OIP5: variants seen among roughly 807,000 people sequenced by gnomAD.
The protein encoded by OIP5 is protein Mis18-beta.
In OIP5, 24 loss-of-function variants were observed where a neutral mutation model predicts 20.3. That is an observed-to-expected ratio of 1.18 (90% CI 0.86 to 1.66). The LOEUF is 1.66. OIP5 is among the 40% of genes most tolerant of loss of function. OIP5 has a pLI of 0.00. For missense variants in OIP5, 339 were observed against 289.5 expected (o/e 1.17, Z -1.24); for synonymous variants, 143 against 121.3 (o/e 1.18, Z -1.17).
At chr15:41,319,470 G>A (rs2047809316) in intron 3 of OIP5, among the ~76,000 whole-genome samples, 188 bp downstream of exon 3, 1 of 151,896 alleles carries the variant, frequency 6.6e-6, no homozygotes, top group Non-Finnish European at 1.5e-5. Flanking sequence ...AGCCAGGCTG[G>A]TCTCAAACTC....
rs770839588 is a variant in OIP5, at chr15:41,309,437, G to C, written c.*317C>G. ...TTTTCAGACCAACCATGCAACTTTA[G>C]ATCAGAGGACACATGGGACTCTGCA... On this transcript the variant is annotated 3_prime_UTR_variant, in exon 5 of 5. Transcript: ENST00000220514. 10 of 201,736 alleles carry C rather than the reference G, an allele frequency of 5.0e-5. No individual in the cohort carries two copies. Among genetic ancestry groups the C allele is most frequent in the Admixed American group, 1.1e-4 (2 of 17,648 alleles). The allele number at this position is 201,736 out of a possible 1,614,324, so 12.5% of individuals were successfully genotyped here.
rs2047810637 is a variant in OIP5 at position 41,319,661 on chromosome 15, A to T, written c.509T>A (p.Val170Glu). The change falls in exon 3 of 5, where the codon GTG becomes GAG. Residue 170 changes from valine (V) to glutamate (E), a missense_variant. By Grantham distance (121) the Val-to-Glu change is moderately radical. Transcript: ENST00000220514. The part of the protein sequence containing the change: ...GHFCLSSDKM[V>E]CYLLKTKAIV... The stretch of plus-strand genomic sequence containing the variant: ...ATCAATATCTAAGTCTACTCACCAC[A>T]CCATTTTGTCACTGGAAAGGCAGAA... 1 of 1,612,636 alleles carries T rather than the reference A, an allele frequency of 6.2e-7. No homozygotes were observed. The highest frequency in any genetic ancestry group is 1.3e-5 in the African/African-American group (1 of 74,812).
rs189194012 is a variant in OIP5, at chr15:41,327,045, G to A, written c.389+4870C>T. 7.3e-5 allele frequency among the ~76,000 whole-genome samples: 11 copies of A among 150,146 alleles called. No homozygotes were observed. The East Asian group carries it at 1.2e-3, about 16-fold the overall frequency. Reference sequence around the variant, plus strand: ...CAAAGTGATGAAGAGTTGATTTACTGTATGTGATTTGTTTCAAAATACTCC... The same window carrying A: ...CAAAGTGATGAAGAGTTGATTTACTATATGTGATTTGTTTCAAAATACTCC... On this transcript the variant is annotated intron_variant, in intron 2 of 4. Transcript: ENST00000220514.
At chr15:41,320,707 C>T (rs1307343954) in intron 2 of OIP5, among the ~76,000 whole-genome samples, 2 of 152,100 alleles carry the variant, frequency 1.3e-5, no homozygotes, top group African/African-American at 4.8e-5. Context: ...GCCGCCACCC[C>T]GTCTGGGAAG....
At chr15:41,325,799 A>G (rs148897190) in intron 2 of OIP5, among the ~76,000 whole-genome samples, 26 of 146,376 alleles carry the variant, frequency 1.8e-4, no homozygotes, top group Middle Eastern at 3.7e-3. Context: ...GCAGTGAGCC[A>G]AGATCATGCC....
chr15:41,318,206 A>G (rs1448607137), intron 3 of OIP5, among the ~76,000 whole-genome samples: 1 of 152,188 alleles, frequency 6.6e-6, no homozygotes, highest in East Asian at 1.9e-4. Context: ...TCTGTCACCC[A>G]GGCTGAAGTG....
intron 4 of OIP5, among the ~76,000 whole-genome samples, chr15:41,311,304 A>G (rs559178899): frequency 7.2e-5 from 11 of 152,162 alleles, no homozygotes; most frequent in Non-Finnish European, 1.5e-5. Context: ...TAGTAGAGAC[A>G]AGGATTCTCC....
intron 2 of OIP5, among the ~76,000 whole-genome samples, chr15:41,329,352 G>C (rs1215385528): frequency 7.6e-6 from 1 of 131,476 alleles, no homozygotes; most frequent in African/African-American, 2.9e-5. Context: ...GTCTCGATCT[G>C]TCGTCCAGGC....
chr15:41,318,541 C>T (rs965811879), intron 3 of OIP5, among the ~76,000 whole-genome samples: 1 of 152,166 alleles, frequency 6.6e-6, no homozygotes, highest in Non-Finnish European at 1.5e-5. Context: ...AGTGATCCTC[C>T]TGCCTCAGCC....
chr15:41,317,928 C>T (rs2047797924), intron 3 of OIP5, among the ~76,000 whole-genome samples: 1 of 152,144 alleles, frequency 6.6e-6, no homozygotes, highest in Non-Finnish European at 1.5e-5. Context: ...AATCCTCCAA[C>T]TCAGCCTTCC....
At chr15:41,321,784 T>TGCGGAAG (rs1241080477) in intron 2 of OIP5, among the ~76,000 whole-genome samples, 1 of 151,446 alleles carries the variant, frequency 6.6e-6, no homozygotes, top group Admixed American at 6.6e-5. Flanking sequence ...ACACAAACAC[T>TGCGGAAG]GCGGAAGGCC....
chr15:41,319,006 T>G (rs1479661670), intron 3 of OIP5, among the ~76,000 whole-genome samples: 1 of 152,044 alleles, frequency 6.6e-6, no homozygotes, highest in Non-Finnish European at 1.5e-5. Flanking sequence ...CCTGGCCCAC[T>G]GCTATCTTTT....
intron 2 of OIP5, among the ~76,000 whole-genome samples, chr15:41,322,607 TAGG>T (rs1257888803): frequency 1.3e-5 from 2 of 152,196 alleles, no homozygotes; most frequent in Admixed American, 6.5e-5. Context: ...TTTCCCAGGC[TAGG>T]AGAATTCTAT....
chr15:41,309,697 C>T lies in OIP5; in HGVS notation c.*57G>A, dbSNP rs1317961001. ...TTTTTCAAGAAATGACTAAGCAGCA[C>T]CTGTTGTTGAAGACAGCAATAAAGC... On this transcript the variant is annotated 3_prime_UTR_variant, in exon 5 of 5. Transcript: ENST00000220514. The T allele has an allele frequency of 3.7e-6, 4 of 1,095,350 alleles. No individual in the cohort carries two copies. The African/African-American group carries it at 4.7e-5, about 13-fold the overall frequency. The allele number at this position is 1,095,350 out of a possible 1,614,324, so 67.9% of individuals were successfully genotyped here.
intron 3 of OIP5, among the ~76,000 whole-genome samples, chr15:41,316,246 G>A (rs1052298010): frequency 6.6e-6 from 1 of 152,184 alleles, no homozygotes; most frequent in African/African-American, 2.4e-5. Context: ...AGGAGGTGCA[G>A]GTTGCAGTGA....
At chr15:41,328,248 G>C (rs927859201) in intron 2 of OIP5, among the ~76,000 whole-genome samples, 2 of 152,134 alleles carry the variant, frequency 1.3e-5, no homozygotes, top group African/African-American at 4.8e-5. Context: ...TGAACTCCTG[G>C]GTTCAAGTGA....
chr15:41,332,033 A>C, intron 1 of OIP5, 52 bp from the exon 2 acceptor site: 3 of 1,557,824 alleles, frequency 1.9e-6, no homozygotes, highest in Non-Finnish European at 2.7e-6. Context: ...CTTGAAATGG[A>C]AAATCTCTCC....
At chr15:41,321,736 A>G (rs898525006) in intron 2 of OIP5, among the ~76,000 whole-genome samples, 18 of 150,458 alleles carry the variant, frequency 1.2e-4, no homozygotes, top group African/African-American at 3.7e-4. Flanking sequence ...CATGCTCCTT[A>G]AGAGTCATCA....
intron 2 of OIP5, among the ~76,000 whole-genome samples, chr15:41,327,788 A>AAAAAAAT (rs2047871410): frequency 6.9e-6 from 1 of 145,804 alleles, no homozygotes; most frequent in African/African-American, 2.7e-5. Flanking sequence ...ACTCCATCTC[A>AAAAAAAT]AAAAAATAAA....
Sources: gnomAD v4.1 joint callset for allele counts (sites outside exome capture counted in the v4.1 genomes callset) on GRCh38, gnomAD v4.1.1 for gene constraint, MANE v1.5 for transcripts, NCBI Gene and HGNC (gene_info 2026-07-23, HGNC 2026-07-21) for gene names.